Variants in HERC2 observed in about 807,000 individuals in gnomAD.
HERC2 encodes the protein E3 ubiquitin-protein ligase HERC2.
HERC2 carries 102 observed loss-of-function variants against 537.7 expected under a neutral mutation model. The observed-to-expected ratio is 0.19, with a 90% confidence interval of 0.16 to 0.22. HERC2 has a LOEUF of 0.22. Ranked by LOEUF, HERC2 falls within the 10% of genes least tolerant of loss-of-function variation. The pLI is 1.00. For synonymous variants in HERC2, 2,224 were observed against 2,466.2 expected, an observed-to-expected ratio of 0.90 and a Z score of 2.91; for missense variants, 4,236 against 6,198.2, an observed-to-expected ratio of 0.68 and a Z score of 10.63.
intron 44 of HERC2, among the ~76,000 whole-genome samples, chr15:28,209,638 A>T (rs529308048): frequency 2.0e-5 from 3 of 152,124 alleles, no homozygotes; most frequent in Non-Finnish European, 4.4e-5. Flanking sequence ...CCACCGCGCC[A>T]GGCCTATATA....
intron 71 of HERC2, among the ~76,000 whole-genome samples, chr15:28,145,338 T>C (rs1392812458): frequency 6.6e-6 from 1 of 152,126 alleles, no homozygotes; most frequent in East Asian, 1.9e-4. Context: ...ACACCTAAGA[T>C]CTACAGGATC....
chr15:28,117,306 C>A lies in HERC2; in HGVS notation c.13273-152G>T, dbSNP rs763079160. ...CCTGCTTGTGTGGACGCCAGGCAGA[C>A]CCTGCCGTCTGGGGCGCTCGACTGT... On this transcript the variant is annotated intron_variant, in intron 86 of 92. Transcript: ENST00000261609. 12 of 829,578 alleles carry A rather than the reference C, an allele frequency of 1.4e-5. No individual in the cohort carries two copies. In the South Asian group the frequency reaches 1.7e-4, roughly 12 times the overall value. 51.4% of individuals were successfully genotyped at this position (829,578 alleles called of 1,614,324 possible).
intron 78 of HERC2, among the ~76,000 whole-genome samples, chr15:28,140,813 C>T (rs1007090912): frequency 2.0e-5 from 3 of 151,856 alleles, no homozygotes; most frequent in Admixed American, 6.6e-5. Flanking sequence ...TGAGCCACCG[C>T]ACCGGGTCAG....
rs748580371 is a variant in HERC2, at chr15:28,168,470, T to C, written c.10350A>G (p.Glu3450=). 2.5e-6 allele frequency: 4 copies of C among 1,614,214 alleles called. No individual in the cohort carries two copies. The highest frequency in any genetic ancestry group is 2.2e-5 in the South Asian group (2 of 91,088). ...SAMASPMNGE[E]CMLAVDIEDR... ...CTTCGATATCAACAGCCAGCATGCA[T>C]TCTTCTCCATTCATGGGACTAGCCA... Residue 3450 remains glutamate, a synonymous_variant, in exon 67 of 93, where the codon GAA becomes GAG. Coordinates refer to ENST00000261609, the MANE Select transcript of HERC2 (RefSeq NM_004667.6).
In HERC2 at chr15:28,114,541, CAT is replaced by C. The variant is rs112442914; in HGVS notation, c.13913+69_13913+70del. On this transcript the variant is annotated intron_variant, in intron 90 of 92. Transcript: ENST00000261609. ...GTGTATGACACTCCTGAAAAACACA[CAT>C]GTCCACACAACCACGTTCTGCTACT... The C allele has an allele frequency of 3.3e-3, 4,563 of 1,391,368 alleles. 87 individuals are homozygous for C. The African/African-American group carries it at 0.049, about 15-fold the overall frequency. 86.2% of individuals were successfully genotyped at this position (1,391,368 alleles called of 1,614,324 possible).
rs1213746340 is a variant in HERC2 at position 28,144,201 on chromosome 15, G to C, written c.11175C>G (p.Leu3725=). The C allele has an allele frequency of 1.3e-5, 21 of 1,614,200 alleles. No homozygotes were observed. Among genetic ancestry groups the C allele is most frequent in the Non-Finnish European group, 1.8e-5 (21 of 1,180,052 alleles). ...TCACCAAGTCCATGGATGGACAGGA[G>C]AGGACGCAGCGGTCAGAGAGGAGTT... ...PKELLSDRCV[L]SCPSMDLVTC... is the part of the protein sequence containing the mutation. Residue 3725 remains leucine, a synonymous_variant, in exon 73 of 93, where the codon CTC becomes CTG. Coordinates refer to ENST00000261609, the MANE Select transcript of HERC2 (RefSeq NM_004667.6).
In HERC2 at chr15:28,229,259, G is replaced by C; in HGVS notation, c.5208C>G (p.Tyr1736Ter). 6.2e-7 allele frequency: 1 copy of C among 1,613,702 alleles called. No homozygotes were observed. Among genetic ancestry groups the C allele is most frequent in the Non-Finnish European group, 8.5e-7 (1 of 1,179,660 alleles). Residue 1736 changes from tyrosine to a stop codon, truncating the protein, a stop_gained, in exon 34 of 93, where the codon TAC becomes TAG. Coordinates refer to ENST00000261609, the MANE Select transcript of HERC2 (RefSeq NM_004667.6). LOFTEE classifies it high-confidence loss of function. ...TTCGAATGTTCTGTACAGCCCAAGC[G>C]TACAGCTTGCCAAAGGTGACTTCCA... The part of the protein sequence containing the change: ...MLLEVTFGKL[Y>*]AWAVQNIRNV...
chr15:28,134,403 T>C (rs993227326), intron 79 of HERC2, among the ~76,000 whole-genome samples: 3 of 152,198 alleles, frequency 2.0e-5, no homozygotes, highest in African/African-American at 7.2e-5. Context: ...AACAATGTTT[T>C]CTGCAAAAAA....
Position 28,198,781 on chromosome 15 carries a change from A to G in HERC2, c.7717-12T>C. Reference sequence around the variant, plus strand: ...ACCATCATTCCCACCTAGAATTAAAATGAAATTGGAGATCCAGTCCATCAT... The same window carrying G: ...ACCATCATTCCCACCTAGAATTAAAGTGAAATTGGAGATCCAGTCCATCAT... On this transcript the variant is annotated splice_polypyrimidine_tract_variant and intron_variant, in intron 48 of 92. Coordinates refer to ENST00000261609, the MANE Select transcript of HERC2 (RefSeq NM_004667.6). The G allele has an allele frequency of 1.2e-6, 2 of 1,603,350 alleles. No homozygotes were observed. Among genetic ancestry groups the G allele is most frequent in the Non-Finnish European group, 1.7e-6 (2 of 1,174,514 alleles).
rs775822612 is a variant in HERC2, at chr15:28,248,566, G to A, written c.3221C>T (p.Thr1074Ile). The change falls in exon 21 of 93, where the codon ACC (threonine) becomes ATC (isoleucine). Residue 1074 changes from threonine to isoleucine, a missense_variant. This residue lies in a region of HERC2 where 754 missense variants were observed against 1,085.0 expected (regional missense o/e 0.69). Coordinates refer to ENST00000261609, the MANE Select transcript of HERC2 (RefSeq NM_004667.6). ...KLYPGESIGQTSDISSPELMG... is the reference protein window; with the variant it reads ...KLYPGESIGQISDISSPELMG... ...AAGCAACTTACTAGAAATATCTGAGGTCTGACCAATACTTTCTCCTGGATA... is the reference window on the plus strand; with the variant it reads ...AAGCAACTTACTAGAAATATCTGAGATCTGACCAATACTTTCTCCTGGATA... 3 of 1,613,348 alleles carry A rather than the reference G, an allele frequency of 1.9e-6. No homozygotes were observed. The Admixed American group carries it at 5.0e-5, about 27-fold the overall frequency.
At chr15:28,172,865 G>A (rs1471769692) in intron 65 of HERC2, among the ~76,000 whole-genome samples, 1 of 152,160 alleles carries the variant, frequency 6.6e-6, no homozygotes, top group Non-Finnish European at 1.5e-5. Context: ...TCTATATTAG[G>A]CAAAGGACTT....
At chr15:28,159,506 TC>T (rs1481542384) in intron 69 of HERC2, among the ~76,000 whole-genome samples, 3 of 152,226 alleles carry the variant, frequency 2.0e-5, no homozygotes, top group Non-Finnish European at 2.9e-5. Flanking sequence ...TGATACCCCT[TC>T]CTCCAGGTGA....
intron 20 of HERC2, among the ~76,000 whole-genome samples, chr15:28,253,333 A>G (rs1490272333): frequency 1.3e-5 from 2 of 152,262 alleles, no homozygotes; most frequent in African/African-American, 4.8e-5. Context: ...CTTACAAAGT[A>G]GTATGTACAA....
chr15:28,125,526 A>G (rs1367286020), intron 83 of HERC2, among the ~76,000 whole-genome samples: 1 of 152,250 alleles, frequency 6.6e-6, no homozygotes, highest in Non-Finnish European at 1.5e-5. Flanking sequence ...CATGAACAGC[A>G]GCAGTTCTCC....
chr15:28,187,371 G>A (rs963023668), intron 55 of HERC2, among the ~76,000 whole-genome samples: 6 of 149,320 alleles, frequency 4.0e-5, no homozygotes, highest in African/African-American at 1.2e-4. Flanking sequence ...CTTGCTTGTT[G>A]CCCAGGCTGG....
chr15:28,150,227 G>A (rs112904971), intron 70 of HERC2, among the ~76,000 whole-genome samples: 2 of 151,748 alleles, frequency 1.3e-5, no homozygotes, highest in African/African-American at 4.8e-5. Context: ...ATGGCCACAT[G>A]AACGTACGTT....
chr15:28,266,099 G>C, intron 12 of HERC2, 125 bp from the exon 13 acceptor site: 1 of 993,430 alleles, frequency 1.0e-6, no homozygotes, highest in African/African-American at 1.6e-5. Flanking sequence ...TCACCTTCCA[G>C]GTACCTTGTG....
rs1025116395 is a variant in HERC2, at chr15:28,125,285, C to T, written c.12803-92G>A. 4.4e-5 allele frequency: 44 copies of T among 1,003,816 alleles called. No homozygotes were observed. In the Middle Eastern group the frequency reaches 1.3e-3, roughly 29 times the overall value. The allele number at this position is 1,003,816 out of a possible 1,614,324, so 62.2% of individuals were successfully genotyped here. On this transcript the variant is annotated intron_variant, in intron 83 of 92. Transcript: ENST00000261609. ...CTTCCCACCACACACAGCACCAACG[C>T]TCCCTGCCCTTCAGCTGGTGTTGAC...
At chr15:28,261,349 C>G (rs1220238640) in intron 15 of HERC2, among the ~76,000 whole-genome samples, 1 of 151,882 alleles carries the variant, frequency 6.6e-6, no homozygotes, top group Non-Finnish European at 1.5e-5. Flanking sequence ...GGAAGGTTTC[C>G]TAAGAAGAAA....
Sources: allele counts gnomAD v4.1 joint callset (sites outside exome capture counted in the v4.1 genomes callset), GRCh38; gene constraint gnomAD v4.1.1; regional missense constraint gnomAD v4.1.1; transcripts MANE v1.5; gene names NCBI Gene and HGNC (gene_info 2026-07-23, HGNC 2026-07-21).